PEX6: variants seen among roughly 807,000 people sequenced by gnomAD.
The protein encoded by PEX6 is peroxisomal biogenesis factor 6, also known as peroxisome biogenesis factor 6.
In PEX6, 55 loss-of-function variants were observed where a neutral mutation model predicts 85.6. The ratio of observed to expected loss-of-function variants is 0.64; its 90% CI spans 0.52 to 0.80. The LOEUF is 0.80. PEX6 is among the 30% of genes least tolerant of loss of function. PEX6 has a pLI of 0.00. For synonymous variants in PEX6, 519 were observed against 549.1 expected (o/e 0.95, Z 0.77); for missense variants, 1,099 against 1,260.3 (o/e 0.87, Z 1.94).
chr6:42,965,117 T>TC lies in PEX6; in HGVS notation c.2623dup (p.Asp875GlyfsTer46). The TC allele has an allele frequency of 6.2e-7, 1 of 1,614,214 alleles. No individual in the cohort carries two copies. Among genetic ancestry groups the TC allele is most frequent in the Non-Finnish European group, 8.5e-7 (1 of 1,180,028 alleles). On this transcript the variant is annotated frameshift_variant, in exon 15 of 17. Transcript: ENST00000304611. LOFTEE classifies it high-confidence loss of function. The surrounding 1 kb of genome is among the most constrained non-coding windows in gnomAD (Gnocchi z 5.0). ...TAGAACGCGTAGCTGGGAGGCCCGG[T>TC]CCTCATTTGCCCCCACAAACACCAG...
intron 8 of PEX6, 58 bp from the exon 9 acceptor site, chr6:42,966,916 G>A: frequency 7.5e-7 from 1 of 1,338,598 alleles, no homozygotes; most frequent in Non-Finnish European, 1.1e-6. Context: ...AACCTTCAGG[G>A]ACCGTCCCCC....
chr6:42,974,451 GT>G (rs541877938), intron 2 of PEX6, among the ~76,000 whole-genome samples: 45 of 61,030 alleles, frequency 7.4e-4, no homozygotes, highest in Admixed American at 1.5e-3. Flanking sequence ...TGTTTTTTTT[GT>G]TTTTTTTTTT....
In PEX6 at chr6:42,966,447, T is replaced by G; in HGVS notation, c.2095A>C (p.Ile699Leu). ...ACATCATGCCAGGACACTGAGGGGA[T>G]CTAGGAGATGGAAAGTGCGTGGTTG... The part of the protein sequence containing the change: ...AHSQAVGAPK[I>L]PSVSWHDVGG... Residue 699 changes from isoleucine (I) to leucine (L), a missense_variant and splice_region_variant, in exon 11 of 17, where the codon ATC (isoleucine) becomes CTC (leucine). Transcript: ENST00000304611. 1.9e-6 allele frequency: 3 copies of G among 1,614,058 alleles called. No homozygotes were observed. The highest frequency in any genetic ancestry group is 2.5e-6 in the Non-Finnish European group (3 of 1,180,002).
rs747574572 is a variant in PEX6 at position 42,965,239 on chromosome 6, A to C, written c.2588+13T>G. 8.7e-6 allele frequency: 14 copies of C among 1,611,668 alleles called. No individual in the cohort carries two copies. The highest frequency in any genetic ancestry group is 9.3e-6 in the Non-Finnish European group (11 of 1,177,804). On this transcript the variant is annotated intron_variant, in intron 14 of 16. Transcript: ENST00000304611. This position sits in a 1 kb window ranked among gnomAD's most constrained non-coding sequence, Gnocchi z 5.0. Reference sequence around the variant, plus strand: ...CAAAATGAGGGTGGAGATGAGCAGTACAAGGGGCCCACCTGCCAGGCCGCA... The same window carrying C: ...CAAAATGAGGGTGGAGATGAGCAGTCCAAGGGGCCCACCTGCCAGGCCGCA...
chr6:42,975,131 G>T, intron 1 of PEX6, 93 bp from the exon 2 acceptor site: 1 of 1,100,562 alleles, frequency 9.1e-7, no homozygotes, highest in Non-Finnish European at 1.4e-6. Flanking sequence ...TTTCCATCCT[G>T]TCTTTCCCAT....
Position 42,977,215 on chromosome 6 carries a change from AGATT to A in PEX6, c.882+1050_882+1053del, listed in dbSNP as rs551702403. On this transcript the variant is annotated intron_variant, in intron 1 of 16. Coordinates refer to ENST00000304611, the MANE Select transcript of PEX6 (RefSeq NM_000287.4). ...ATTGTAGCAATTCAATAAACTAATT[AGATT>A]GAGTAGATTAACATACACATCTGAA... 1.5e-3 allele frequency among the ~76,000 whole-genome samples: 226 copies of A among 151,718 alleles called. 1 individual carries two copies. The highest frequency in any genetic ancestry group is 5.1e-3 in the African/African-American group (213 of 41,396).
chr6:42,966,207 A>G (rs373567589), intron 11 of PEX6, 35 bp downstream of exon 11: 8 of 1,610,630 alleles, frequency 5.0e-6, no homozygotes, highest in Non-Finnish European at 5.9e-6. Flanking sequence ...GCAGCCCCTG[A>G]TCCACCCACC....
In PEX6 at chr6:42,964,971, C is replaced by T; in HGVS notation, c.2667-42G>A. ...GAAGAAACAGAGTTGGCATCACCTC[C>T]TCCCTCGAAAGCCAGTGCTGACCAG... On this transcript the variant is annotated intron_variant, in intron 15 of 16. Coordinates refer to ENST00000304611, the MANE Select transcript of PEX6 (RefSeq NM_000287.4). This position sits in a 1 kb window ranked among gnomAD's most constrained non-coding sequence, Gnocchi z 4.6. 6.2e-7 allele frequency: 1 copy of T among 1,614,024 alleles called. No homozygotes were observed. The highest frequency in any genetic ancestry group is 8.5e-7 in the Non-Finnish European group (1 of 1,179,898).
At chr6:42,977,051 A>G (rs1770325888) in intron 1 of PEX6, among the ~76,000 whole-genome samples, 1 of 152,188 alleles carries the variant, frequency 6.6e-6, no homozygotes, top group African/African-American at 2.4e-5. Flanking sequence ...TGTCATCTTT[A>G]GATGGCTCTT....
chr6:42,968,419 C>A lies in PEX6; in HGVS notation c.1559G>T (p.Arg520Leu), dbSNP rs143904891. 3 of 1,613,076 alleles carry A rather than the reference C, an allele frequency of 1.9e-6. No individual in the cohort carries two copies. In the African/African-American group the frequency reaches 4.0e-5, roughly 22 times the overall value. The change falls in exon 7 of 17, where the codon CGT becomes CTT. Residue 520 changes from arginine (R) to leucine (L), a missense_variant. Physicochemically the swap from Arg to Leu is moderately radical, Grantham distance 102. Around this residue, in one of 3 missense-constraint regions of PEX6, gnomAD observed 514 missense variants for 627.0 expected, o/e 0.82. Coordinates refer to ENST00000304611, the MANE Select transcript of PEX6 (RefSeq NM_000287.4). ...GAGCAACAGGACTGCAGGCCGGCAA[C>A]GGCGGGCCCGGGAGAAGATGGCCTG... Reference protein sequence around the residue: ...KLQAIFSRARRCRPAVLLLTA... With the variant: ...KLQAIFSRARLCRPAVLLLTA...
Position 42,966,227 on chromosome 6 carries a change from A to G in PEX6, c.2300+15T>C, listed in dbSNP as rs1262534519. 5.6e-6 allele frequency: 9 copies of G among 1,611,496 alleles called. No homozygotes were observed. Among genetic ancestry groups the G allele is most frequent in the African/African-American group, 2.7e-5 (2 of 74,896 alleles). On this transcript the variant is annotated intron_variant, in intron 11 of 16. Transcript: ENST00000304611. ...CCCTGATCCACCCACCATCCCTTCC[A>G]GGCCCCCTGGCCACCTGAGGAAGGT...
chr6:42,970,101 G>A lies in PEX6; in HGVS notation c.1131-114C>T, dbSNP rs114487211. On this transcript the variant is annotated intron_variant, in intron 3 of 16. Transcript: ENST00000304611. ...CAAAAGCACCACAAGAGCGTGTCCC[G>A]AGTCATGGTGGGGAAAAGGAATGCA... 2.6e-3 allele frequency: 2,074 copies of A among 810,810 alleles called. 32 individuals are homozygous for A. The African/African-American group carries it at 0.031, about 12-fold the overall frequency. 50.2% of individuals were successfully genotyped at this position (810,810 alleles called of 1,614,324 possible).
intron 1 of PEX6, among the ~76,000 whole-genome samples, chr6:42,977,901 T>C (rs1283088785): frequency 7.1e-6 from 1 of 141,836 alleles, no homozygotes; most frequent in African/African-American, 2.6e-5. Context: ...TGGAGTCCAA[T>C]GGCGCGATCT....
At chr6:42,970,023 A>C in intron 3 of PEX6, 36 bp from the exon 4 acceptor site, 1 of 1,569,320 alleles carries the variant, frequency 6.4e-7, no homozygotes, top group South Asian at 1.1e-5. Flanking sequence ...CCAGATCCAG[A>C]GTCCAAAAAC....
intron 1 of PEX6, among the ~76,000 whole-genome samples, chr6:42,975,650 T>C (rs970321691): frequency 1.1e-4 from 17 of 152,004 alleles, no homozygotes; most frequent in African/African-American, 3.9e-4. Flanking sequence ...GCACTTGAAA[T>C]GTGGCTAAAA....
At chr6:42,973,937 G>C (rs755004686) in intron 3 of PEX6, 66 bp downstream of exon 3, 14 of 1,047,182 alleles carry the variant, frequency 1.3e-5, no homozygotes, top group Non-Finnish European at 2.1e-5. Context: ...TTTGCAGGGA[G>C]GGGATTGTAG....
At position 42,967,431 on chromosome 6, in the gene PEX6, G is replaced by GGCCC; in HGVS notation, c.1817_1820dup (p.Leu608GlyfsTer55). 6.2e-7 allele frequency: 1 copy of GGCCC among 1,613,204 alleles called. No homozygotes were observed. The highest frequency in any genetic ancestry group is 8.5e-7 in the Non-Finnish European group (1 of 1,179,850). On this transcript the variant is annotated frameshift_variant, in exon 8 of 17. Coordinates refer to ENST00000304611, the MANE Select transcript of PEX6 (RefSeq NM_000287.4). LOFTEE classifies it high-confidence loss of function. ...GGCCCAGGGGAAGGTGGGCAGTGAG[G>GGCCC]GCCCGCAGGATGCTGAGCCGCTGCC...
intron 8 of PEX6, 68 bp from the exon 9 acceptor site, chr6:42,966,926 C>T: frequency 8.4e-7 from 1 of 1,186,186 alleles, no homozygotes; most frequent in Non-Finnish European, 1.2e-6. Context: ...GACCGTCCCC[C>T]AGCTAGAGCA....
chr6:42,968,514 C>T lies in PEX6; in HGVS notation c.1480-16G>A. ...AGCAGGGCACCTGGGGAGGGGATCC[C>T]AATGGGTCTGTGAGCAAGGGGAAAG... On this transcript the variant is annotated splice_polypyrimidine_tract_variant and intron_variant, in intron 6 of 16. Transcript: ENST00000304611. 1.3e-6 allele frequency: 2 copies of T among 1,553,952 alleles called. No homozygotes were observed. The highest frequency in any genetic ancestry group is 1.7e-6 in the Non-Finnish European group (2 of 1,147,094).
Sources: allele counts gnomAD v4.1 joint callset (sites outside exome capture counted in the v4.1 genomes callset), GRCh38; gene constraint gnomAD v4.1.1; regional missense constraint gnomAD v4.1.1; non-coding constraint Gnocchi (gnomAD v3.1); transcripts MANE v1.5; gene names NCBI Gene and HGNC (gene_info 2026-07-23, HGNC 2026-07-21).